Variants in MMD2 observed in about 807,000 individuals in gnomAD.
MMD2 encodes monocyte to macrophage differentiation associated 2, also known as monocyte to macrophage differentiation factor 2.
A neutral mutation model predicts 33.5 loss-of-function variants in MMD2; 30 were observed. The ratio of observed to expected loss-of-function variants is 0.90; its 90% CI spans 0.67 to 1.22. MMD2 has a LOEUF of 1.22. Ranked by LOEUF, MMD2 falls within the 50% of genes most tolerant of loss-of-function variation. MMD2 has a pLI of 0.00. For synonymous variants in MMD2, 129 were observed against 123.0 expected (o/e 1.05, Z -0.32); for missense variants, 364 against 325.4 (o/e 1.12, Z -0.91).
intron 1 of MMD2, among the ~76,000 whole-genome samples, chr7:4,954,513 G>A (rs1219713521): frequency 6.6e-6 from 1 of 151,940 alleles, no homozygotes; most frequent in Non-Finnish European, 1.5e-5. Context: ...CGATCCCCAG[G>A]CTCAAGCAAG....
At chr7:4,908,936 G>A (rs1002061424) in intron 6 of MMD2, among the ~76,000 whole-genome samples, 1 of 151,320 alleles carries the variant, frequency 6.6e-6, no homozygotes, top group African/African-American at 2.4e-5. Context: ...CAGAGTTATA[G>A]TTTGCAGAGA....
rs188966991 is a variant in MMD2, at chr7:4,946,512, G to T, written c.47+12459C>A. Among the ~76,000 whole-genome samples, 18 of 152,244 alleles carry T rather than the reference G, an allele frequency of 1.2e-4. No individual in the cohort carries two copies. The highest frequency in any genetic ancestry group is 4.3e-4 in the African/African-American group (18 of 41,534). ...TGAAAAAGCATAAAATTGCAACCGCGAGTGAAACAAAGGATTCAGACAATG... is the reference window on the plus strand; with the variant it reads ...TGAAAAAGCATAAAATTGCAACCGCTAGTGAAACAAAGGATTCAGACAATG... On this transcript the variant is annotated intron_variant, in intron 1 of 6. Coordinates refer to ENST00000401401, the MANE Select transcript of MMD2 (RefSeq NM_198403.4). This position sits in a 1 kb window ranked among gnomAD's most constrained non-coding sequence, Gnocchi z 5.0.
intron 1 of MMD2, among the ~76,000 whole-genome samples, chr7:4,933,074 T>A (rs1785636339): frequency 1.3e-5 from 2 of 152,114 alleles, no homozygotes; most frequent in South Asian, 4.1e-4. Context: ...ATTTACTTGT[T>A]TTCTCTTAAA....
downstream of MMD2, among the ~76,000 whole-genome samples, chr7:4,903,099 G>C (rs370236401): frequency 6.6e-6 from 1 of 152,130 alleles, no homozygotes. Context: ...TTAGCTGGGT[G>C]TGGTGACGGG....
intron 1 of MMD2, among the ~76,000 whole-genome samples, chr7:4,929,120 T>C (rs764770315): frequency 6.6e-6 from 1 of 152,120 alleles, no homozygotes; most frequent in Admixed American, 6.6e-5. Context: ...ACTTGGCGCC[T>C]GGGTGAGTCC....
Position 4,946,995 on chromosome 7 carries a change from G to T in MMD2, c.47+11976C>A, listed in dbSNP as rs1786104299. Among the ~76,000 whole-genome samples, 1 of 152,108 alleles carries T rather than the reference G, an allele frequency of 6.6e-6. No individual in the cohort carries two copies. Among genetic ancestry groups the T allele is most frequent in the Admixed American group, 6.6e-5 (1 of 15,260 alleles). The stretch of plus-strand genomic sequence containing the variant: ...GACCGAGATGGGCCGATCACCTGAG[G>T]TCAGGAGTTCAAGACCAACGTGGCC... On this transcript the variant is annotated intron_variant, in intron 1 of 6. Coordinates refer to ENST00000401401, the MANE Select transcript of MMD2 (RefSeq NM_198403.4). This position sits in a 1 kb window ranked among gnomAD's most constrained non-coding sequence, Gnocchi z 5.0.
intron 1 of MMD2, among the ~76,000 whole-genome samples, chr7:4,945,937 G>T (rs1786063983): frequency 6.6e-6 from 1 of 152,164 alleles, no homozygotes; most frequent in Admixed American, 6.6e-5. Flanking sequence ...TCTGAAATTG[G>T]TACAAGCCAG....
At chr7:4,925,668 T>C (rs1785407049) in intron 1 of MMD2, 136 bp from the exon 2 acceptor site, 1 of 509,716 alleles carries the variant, frequency 2.0e-6, no homozygotes, top group Non-Finnish European at 3.5e-6. Context: ...CATCTCCCCC[T>C]CTCTCTCTGT....
intron 1 of MMD2, among the ~76,000 whole-genome samples, chr7:4,951,747 G>A (rs1786249476): frequency 6.6e-6 from 1 of 152,266 alleles, no homozygotes; most frequent in African/African-American, 2.4e-5. Context: ...CTACAGGCAT[G>A]AGCCACTACA....
rs747559370 is a variant in MMD2 at position 4,907,366 on chromosome 7, G to A, written c.*30C>T. 1.2e-6 allele frequency: 2 copies of A among 1,610,116 alleles called. No individual in the cohort carries two copies. Among genetic ancestry groups the A allele is most frequent in the East Asian group, 2.2e-5 (1 of 44,862 alleles). On this transcript the variant is annotated 3_prime_UTR_variant, in exon 7 of 7. Transcript: ENST00000401401. The stretch of plus-strand genomic sequence containing the variant: ...CACAGAAACGTGCTCCACTCCTAAA[G>A]CCCAAACGACCTCTCAAGTCTGGGT...
intron 4 of MMD2, among the ~76,000 whole-genome samples, chr7:4,914,659 G>T (rs550170128): frequency 6.6e-6 from 1 of 152,104 alleles, no homozygotes; most frequent in Non-Finnish European, 1.5e-5. Context: ...GGCCGGGCAC[G>T]GTGGCTCGCA....
intron 2 of MMD2, among the ~76,000 whole-genome samples, chr7:4,924,166 TGGGGAACAGAG>T (rs532259166): frequency 2.1e-3 from 320 of 152,166 alleles, no homozygotes; most frequent in African/African-American, 7.6e-3. Flanking sequence ...CACTCCAGCC[TGGGGAACAGAG>T]CGAGACTTCG....
intron 6 of MMD2, chr7:4,909,595 A>T (rs1174585216): frequency 1.3e-5 from 8 of 624,664 alleles, no homozygotes; most frequent in Non-Finnish European, 2.0e-5. Context: ...GGTGTGCACC[A>T]CATCTGGCTA....
At chr7:4,936,164 GA>G (rs1785734975) in intron 1 of MMD2, among the ~76,000 whole-genome samples, 1 of 143,248 alleles carries the variant, frequency 7.0e-6, no homozygotes, top group Non-Finnish European at 1.5e-5. Flanking sequence ...CAGTCTGGGT[GA>G]CGAGAATGAA....
intron 5 of MMD2, 126 bp downstream of exon 5, chr7:4,911,019 G>T: frequency 2.6e-6 from 2 of 784,080 alleles, no homozygotes; most frequent in Non-Finnish European, 4.0e-6. Flanking sequence ...CCTGAATGAC[G>T]TGACAGCCAG....
the MMD2 span, among the ~76,000 whole-genome samples, chr7:4,893,130 C>T: frequency 1.7e-3 from 257 of 152,092 alleles, 1 homozygote; most frequent in African/African-American, 5.9e-3. Flanking sequence ...GGGGTCTACA[C>T]GCACTCCCCT....
At chr7:4,907,629 G>A in intron 6 of MMD2, 30 bp from the exon 7 acceptor site, 1 of 1,608,150 alleles carries the variant, frequency 6.2e-7, no homozygotes. Flanking sequence ...TGGGGCACAG[G>A]TCAGAGGGGC....
At chr7:4,896,754 T>C in the MMD2 span, among the ~76,000 whole-genome samples, 5 of 152,250 alleles carry the variant, frequency 3.3e-5, no homozygotes, top group African/African-American at 1.2e-4. Flanking sequence ...ATTTTCTTTG[T>C]CTTTTCTAAA....
At chr7:4,924,048 C>T (rs1181944629) in intron 2 of MMD2, among the ~76,000 whole-genome samples, 2 of 152,202 alleles carry the variant, frequency 1.3e-5, no homozygotes, top group Non-Finnish European at 2.9e-5. Flanking sequence ...AAAAATTAGC[C>T]GGGCTTGGTG....
Sources: allele counts gnomAD v4.1 joint callset (sites outside exome capture counted in the v4.1 genomes callset), GRCh38; gene constraint gnomAD v4.1.1; non-coding constraint Gnocchi (gnomAD v3.1); transcripts MANE v1.5; gene names NCBI Gene and HGNC (gene_info 2026-07-23, HGNC 2026-07-21).